Variants in STAB1 observed in about 807,000 individuals in gnomAD.
STAB1 encodes the protein stabilin-1.
Under a neutral mutation model 332.4 loss-of-function variants are expected in STAB1, and 250 were observed. The observed-to-expected ratio is 0.75, with a 90% confidence interval of 0.68 to 0.84. The LOEUF is 0.84. STAB1 is among the 40% of genes least tolerant of loss of function. The pLI is 0.00. For synonymous variants in STAB1, 1,475 were observed against 1,390.4 expected, an observed-to-expected ratio of 1.06 and a Z score of -1.35; for missense variants, 3,249 against 3,489.7, an observed-to-expected ratio of 0.93 and a Z score of 1.74.
rs552960331 is a variant in STAB1 at position 52,510,147 on chromosome 3, G to A, written c.2540G>A (p.Arg847His). The A allele has an allele frequency of 1.9e-5, 30 of 1,613,964 alleles. No homozygotes were observed. Among genetic ancestry groups the A allele is most frequent in the South Asian group, 5.5e-5 (5 of 91,090 alleles). Residue 847 changes from arginine to histidine, a missense_variant, in exon 24 of 69, where the codon CGC (arginine) becomes CAC (histidine). Coordinates refer to ENST00000321725, the MANE Select transcript of STAB1 (RefSeq NM_015136.3). The part of the protein sequence containing the change: ...CVSQEGVARC[R>H]CLDGFEGDGF... ...CCTCCTTCACCCACCCCCAGATGTC[G>A]CTGTCTTGATGGCTTTGAGGGTGAT...
At chr3:52,515,578 G>A in intron 37 of STAB1, 72 bp downstream of exon 37, 1 of 1,531,242 alleles carries the variant, frequency 6.5e-7, no homozygotes, top group Admixed American at 1.7e-5. Context: ...GCCCAGGGAG[G>A]AGCCCAGTTT....
chr3:52,512,261 G>C (rs1227948010), intron 26 of STAB1, 80 bp from the exon 27 acceptor site: 2 of 1,385,140 alleles, frequency 1.4e-6, no homozygotes, highest in Non-Finnish European at 2.0e-6. Flanking sequence ...TGGGTGGCTG[G>C]ACAGGCAGAA....
intron 1 of STAB1, among the ~76,000 whole-genome samples, chr3:52,500,484 C>G (rs1407122717): frequency 6.6e-6 from 1 of 152,262 alleles, no homozygotes; most frequent in Non-Finnish European, 1.5e-5. Context: ...GGCCCTTAGT[C>G]TCTGATTCCT....
At position 52,503,361 on chromosome 3, in the gene STAB1, C is replaced by T. The variant is rs1325740431; in HGVS notation, c.712C>T (p.Pro238Ser). 1 of 1,612,074 alleles carries T rather than the reference C, an allele frequency of 6.2e-7. No homozygotes were observed. The highest frequency in any genetic ancestry group is 1.7e-5 in the Admixed American group (1 of 59,936). ...SECRAPNPCW[P>S]SPCSLLAQCS... ...CCTGGCAGCCCCCAACCCCTGCTGG[C>T]CATCACCCTGCTCACTGCTGGCCCA... is the stretch of plus-strand genomic sequence containing the variant. The change falls in exon 8 of 69, where the codon CCA becomes TCA. Residue 238 changes from proline to serine, a missense_variant. Coordinates refer to ENST00000321725, the MANE Select transcript of STAB1 (RefSeq NM_015136.3).
chr3:52,519,477 C>T, intron 49 of STAB1, 28 bp from the exon 50 acceptor site: 6 of 1,613,086 alleles, frequency 3.7e-6, no homozygotes, highest in Non-Finnish European at 5.1e-6. Context: ...CCCGCCTGGC[C>T]TAGCTGTTTA....
Position 52,520,800 on chromosome 3 carries a change from C to G in STAB1, c.5707-4C>G. 6.2e-7 allele frequency: 1 copy of G among 1,612,808 alleles called. No homozygotes were observed. The highest frequency in any genetic ancestry group is 8.5e-7 in the Non-Finnish European group (1 of 1,180,022). ...CCAACTGCGGCCTGACTCCTTTGGC[C>G]CAGGGCAGCCCTGAGGCCTGCTGGC... On this transcript the variant is annotated splice_region_variant and splice_polypyrimidine_tract_variant and intron_variant, in intron 54 of 68. Transcript: ENST00000321725.
rs1291063474 is a variant in STAB1, at chr3:52,504,040, G to A, written c.1035G>A (p.Arg345=). The A allele has an allele frequency of 1.9e-6, 3 of 1,598,844 alleles. No individual in the cohort carries two copies. In the South Asian group the frequency reaches 3.3e-5, roughly 18 times the overall value. Residue 345 remains arginine (R), a synonymous_variant, in exon 10 of 69, where the codon AGG becomes AGA. Coordinates refer to ENST00000321725, the MANE Select transcript of STAB1 (RefSeq NM_015136.3). ...TADGKTSCVC[R]ESEVGDGRAC... ...CCTGGGAGCCCAGCTGTGTGTGCAGGGAAAGCGAGGTGGGGGATGGGCGTG... is the reference window on the plus strand; with the variant it reads ...CCTGGGAGCCCAGCTGTGTGTGCAGAGAAAGCGAGGTGGGGGATGGGCGTG...
intron 7 of STAB1, 56 bp from the exon 8 acceptor site, chr3:52,503,288 C>T (rs1440183093): frequency 1.3e-5 from 20 of 1,552,492 alleles, no homozygotes; most frequent in Middle Eastern, 1.9e-4. Context: ...AAAGCTGTGG[C>T]GGAGACAGGG....
Position 52,523,125 on chromosome 3 carries a change from C to T in STAB1, c.7011C>T (p.Thr2337=). The T allele has an allele frequency of 3.1e-6, 5 of 1,589,024 alleles. No homozygotes were observed. Among genetic ancestry groups the T allele is most frequent in the Non-Finnish European group, 3.4e-6 (4 of 1,166,652 alleles). Reference sequence around the variant, plus strand: ...TGGCTGCCACTGCCAACTTCTCCACCTTCTATGGGGTGTGTGGGGGCCACC... The same window carrying T: ...TGGCTGCCACTGCCAACTTCTCCACTTTCTATGGGGTGTGTGGGGGCCACC... ...DVLAATANFS[T]FYGMLLGYAN... The change falls in exon 63 of 69, where the codon ACC becomes ACT. Residue 2337 remains threonine, a synonymous_variant. Coordinates refer to ENST00000321725, the MANE Select transcript of STAB1 (RefSeq NM_015136.3).
intron 26 of STAB1, among the ~76,000 whole-genome samples, 171 bp downstream of exon 26, chr3:52,511,916 T>C (rs1253780112): frequency 1.3e-5 from 2 of 152,170 alleles, no homozygotes; most frequent in Non-Finnish European, 2.9e-5. Flanking sequence ...CACCCGCCCC[T>C]GCCCAGCCTC....
In STAB1 at chr3:52,516,234, C is replaced by A. The variant is rs140197399; in HGVS notation, c.4140C>A (p.Thr1380=). The A allele has an allele frequency of 9.4e-7, 1 of 1,063,382 alleles. No individual in the cohort carries two copies. The highest frequency in any genetic ancestry group is 1.3e-5 in the South Asian group (1 of 79,654). 65.9% of individuals were successfully genotyped at this position (1,063,382 alleles called of 1,614,324 possible). The change falls in exon 38 of 69, where the codon ACC becomes ACA. Residue 1380 remains threonine, a synonymous_variant. Coordinates refer to ENST00000321725, the MANE Select transcript of STAB1 (RefSeq NM_015136.3). ...TGGGCCGCTACGGGCCCAACTGCAC[C>A]GGAGGTGAGGACTGGGGAGGGGCGG... The part of the protein sequence containing the change: ...CELGRYGPNC[T]GVCDCAHGLC...
chr3:52,519,141 C>A, intron 48 of STAB1, 123 bp from the exon 49 acceptor site: 1 of 1,303,232 alleles, frequency 7.7e-7, no homozygotes, highest in Non-Finnish European at 1.1e-6. Context: ...TCGTCCTGGT[C>A]CCGAAGAACC....
At chr3:52,521,561 C>A (rs773334091) in intron 56 of STAB1, 35 bp from the exon 57 acceptor site, 16 of 1,613,548 alleles carry the variant, frequency 9.9e-6, no homozygotes, top group Non-Finnish European at 1.3e-5. Flanking sequence ...CCCTTGTGGG[C>A]CAATCTTTAT....
Position 52,519,207 on chromosome 3 carries a change from CG to C in STAB1, c.5035-56del, listed in dbSNP as rs1171241469. 3.8e-5 allele frequency: 60 copies of C among 1,575,466 alleles called. No homozygotes were observed. In the Middle Eastern group the frequency reaches 5.7e-4, roughly 15 times the overall value. On this transcript the variant is annotated intron_variant, in intron 48 of 68. Transcript: ENST00000321725. Reference sequence around the variant, plus strand: ...CAGGTTCAACCTCCACCTCAGGCCCCGATAGCTTCCGAGCACCCCACCTATC... The same window carrying C: ...CAGGTTCAACCTCCACCTCAGGCCCCATAGCTTCCGAGCACCCCACCTATC...
At chr3:52,504,919 C>T (rs1188080797) in intron 12 of STAB1, 43 bp downstream of exon 12, 1 of 1,613,250 alleles carries the variant, frequency 6.2e-7, no homozygotes, top group South Asian at 1.1e-5. Context: ...GAGTCACAGC[C>T]TGGCAAGGGT....
intron 14 of STAB1, 92 bp downstream of exon 14, chr3:52,505,473 G>A (rs1033345315): frequency 1.4e-5 from 20 of 1,405,490 alleles, no homozygotes; most frequent in Non-Finnish European, 8.8e-6. Flanking sequence ...AGTGACCTGG[G>A]GTTCTGAAGT....
chr3:52,500,303 A>G (rs1708349932), intron 1 of STAB1, among the ~76,000 whole-genome samples: 1 of 152,188 alleles, frequency 6.6e-6, no homozygotes, highest in Non-Finnish European at 1.5e-5. Flanking sequence ...TTCAGGTCCC[A>G]AGTCAATGAC....
chr3:52,501,869 C>A, intron 3 of STAB1, 116 bp downstream of exon 3: 1 of 1,365,844 alleles, frequency 7.3e-7, no homozygotes, highest in Non-Finnish European at 1.0e-6. Context: ...TTAATACTCA[C>A]CGAGCGCCTC....
intron 48 of STAB1, 146 bp from the exon 49 acceptor site, chr3:52,519,118 G>T (rs112787150): frequency 1.1e-6 from 1 of 899,206 alleles, no homozygotes; most frequent in African/African-American, 1.7e-5. Context: ...CTCCGCCCCA[G>T]ACCCCGCCCA....
Sources: gnomAD v4.1 joint callset for allele counts (sites outside exome capture counted in the v4.1 genomes callset) on GRCh38, gnomAD v4.1.1 for gene constraint, MANE v1.5 for transcripts, NCBI Gene and HGNC (gene_info 2026-07-23, HGNC 2026-07-21) for gene names.